The following MICAL2 variants were observed in gnomAD, a reference collection of about 807,000 sequenced individuals.
MICAL2 encodes the protein [F-actin]-monooxygenase MICAL2.
Under a neutral mutation model 127.3 loss-of-function variants are expected in MICAL2, and 77 were observed. The ratio of observed to expected loss-of-function variants is 0.60; its 90% CI spans 0.50 to 0.73. The LOEUF (loss-of-function observed/expected upper bound fraction) is 0.73, where lower values mean the gene tolerates loss of function less well. Among genes scored for constraint, MICAL2 ranks in the 30% least tolerant of loss-of-function variants. The pLI is 0.00. For missense variants in MICAL2, 1,351 were observed against 1,434.4 expected (o/e 0.94, Z 0.94); for synonymous variants, 570 against 551.1 (o/e 1.03, Z -0.48).
intron 32 of MICAL2, among the ~76,000 whole-genome samples, chr11:12,337,411 G>A (rs1938785887): frequency 6.6e-6 from 1 of 152,188 alleles, no homozygotes; most frequent in East Asian, 1.9e-4. Context: ...CCAGCTCCTG[G>A]ATTCATTGAT....
At chr11:12,241,829 A>T (rs1021426301) in intron 18 of MICAL2, among the ~76,000 whole-genome samples, 1 of 152,156 alleles carries the variant, frequency 6.6e-6, no homozygotes. Flanking sequence ...TGTCTGCCTC[A>T]CCTGGGGAAC....
chr11:12,358,453 A>C (rs1565315220), exon 35 of MICAL2: 1 of 1,614,196 alleles, frequency 6.2e-7, no homozygotes. Context: ...CGTATTCTCC[A>C]GAGGCTGTCA....
chr11:12,209,758 C>T (rs554167892), intron 6 of MICAL2, among the ~76,000 whole-genome samples, 160 bp downstream of exon 6: 40 of 152,248 alleles, frequency 2.6e-4, no homozygotes, highest in African/African-American at 9.4e-4. Flanking sequence ...TAGAACAGCC[C>T]ATCCACCTGT....
At chr11:12,336,981 A>G (rs1035916731) in intron 32 of MICAL2, among the ~76,000 whole-genome samples, 6 of 152,174 alleles carry the variant, frequency 3.9e-5, no homozygotes, top group African/African-American at 1.2e-4. Flanking sequence ...ATGAGTTAGG[A>G]AGGATTCCTT....
chr11:12,292,995 T>A (rs1863925026), downstream of MICAL2, among the ~76,000 whole-genome samples: 1 of 151,956 alleles, frequency 6.6e-6, no homozygotes, highest in Admixed American at 6.6e-5. Context: ...ATGTGGGAGG[T>A]TAAAAAGGGT....
chr11:12,133,077 G>C (rs912245695), intron 1 of MICAL2, among the ~76,000 whole-genome samples: 1 of 152,064 alleles, frequency 6.6e-6, no homozygotes, highest in Non-Finnish European at 1.5e-5. Flanking sequence ...CTGTTGCTTT[G>C]TATTTTGTAT....
chr11:12,154,182 C>G (rs928291183), intron 2 of MICAL2, among the ~76,000 whole-genome samples: 1 of 152,176 alleles, frequency 6.6e-6, no homozygotes, highest in Admixed American at 6.5e-5. Context: ...GGACTTAGCC[C>G]TGACCTGTTA....
chr11:12,186,303 A>G (rs755025419), intron 3 of MICAL2, among the ~76,000 whole-genome samples: 3 of 152,178 alleles, frequency 2.0e-5, no homozygotes. Flanking sequence ...ACAGGCTAGA[A>G]GGAACTCTCA....
chr11:12,292,197 CT>C, downstream of MICAL2: 2 of 1,614,118 alleles, frequency 1.2e-6, no homozygotes, highest in Non-Finnish European at 8.5e-7. Context: ...CCTTCTCCTT[CT>C]CTTCCTCTTC....
intron 3 of MICAL2, among the ~76,000 whole-genome samples, chr11:12,171,005 G>T (rs1856188920): frequency 1.3e-5 from 2 of 152,298 alleles, no homozygotes; most frequent in African/African-American, 4.8e-5. Flanking sequence ...TCCAAGCTTT[G>T]ATGGTGGGTT....
chr11:12,207,015 CG>C (rs56337947), intron 4 of MICAL2, among the ~76,000 whole-genome samples: 16,613 of 152,162 alleles, frequency 0.11, 1,008 homozygotes, highest in Admixed American at 0.16. Flanking sequence ...CTTCTAACGT[CG>C]CAGTCTGCTG....
At chr11:12,167,201 T>C (rs938581713) in intron 3 of MICAL2, among the ~76,000 whole-genome samples, 4 of 151,946 alleles carry the variant, frequency 2.6e-5, no homozygotes, top group African/African-American at 9.7e-5. Flanking sequence ...ATTGTTGCCA[T>C]AAAAACTCGC....
At chr11:12,126,767 G>A (rs1329913619) in intron 1 of MICAL2, among the ~76,000 whole-genome samples, 1 of 151,694 alleles carries the variant, frequency 6.6e-6, no homozygotes, top group Non-Finnish European at 1.5e-5. Flanking sequence ...AATCATAGAA[G>A]AAAAACCACA....
chr11:12,212,838 T>C (rs989181064), intron 6 of MICAL2, among the ~76,000 whole-genome samples: 1 of 152,190 alleles, frequency 6.6e-6, no homozygotes, highest in Non-Finnish European at 1.5e-5. Context: ...AGGAATTCAA[T>C]GTGATCTACT....
chr11:12,238,927 T>G (rs1412641361), intron 16 of MICAL2, among the ~76,000 whole-genome samples: 1 of 152,120 alleles, frequency 6.6e-6, no homozygotes, highest in South Asian at 2.1e-4. Flanking sequence ...TGGGGGTAGG[T>G]ACAGAGGAGA....
chr11:12,211,463 G>A (rs942428593), intron 6 of MICAL2, among the ~76,000 whole-genome samples: 1 of 152,224 alleles, frequency 6.6e-6, no homozygotes, highest in African/African-American at 2.4e-5. Context: ...ATCAGCATGA[G>A]GCTGGAGTAC....
intron 3 of MICAL2, among the ~76,000 whole-genome samples, chr11:12,188,284 T>A (rs1473158754): frequency 6.6e-6 from 1 of 152,270 alleles, no homozygotes; most frequent in Non-Finnish European, 1.5e-5. Flanking sequence ...TCCTATTTCT[T>A]GTCACTTTTT....
downstream of MICAL2, among the ~76,000 whole-genome samples, chr11:12,264,547 G>C (rs901073037): frequency 2.1e-5 from 3 of 144,408 alleles, no homozygotes; most frequent in Non-Finnish European, 4.4e-5. Context: ...CCATTTCCTG[G>C]CTGGGCGTAG....
chr11:12,293,668 C>T (rs1367245329), downstream of MICAL2: 1 of 1,614,114 alleles, frequency 6.2e-7, no homozygotes, highest in East Asian at 2.2e-5. Context: ...GGGAAATTCC[C>T]CTGTATCTGC....
Sources: gnomAD v4.1 joint callset for allele counts (sites outside exome capture counted in the v4.1 genomes callset) on GRCh38, gnomAD v4.1.1 for gene constraint, MANE v1.5 for transcripts, NCBI Gene and HGNC (gene_info 2026-07-23, HGNC 2026-07-21) for gene names.